CEP350: variants seen among roughly 807,000 people sequenced by gnomAD.
CEP350 encodes centrosome-associated protein 350.
Under a neutral mutation model 331.8 loss-of-function variants are expected in CEP350, and 126 were observed. The observed-to-expected ratio is 0.38, with a 90% CI of 0.33 to 0.44. The LOEUF is 0.44. Among genes scored for constraint, CEP350 ranks in the 20% least tolerant of loss-of-function variants. The probability of loss-of-function intolerance (pLI) is 1.00; values close to 1 mark genes in which losing one functional copy is unlikely to be tolerated. For missense variants in CEP350, 3,406 were observed against 3,634.6 expected, an observed-to-expected ratio of 0.94 and a Z score of 1.62; for synonymous variants, 1,200 against 1,259.5, an observed-to-expected ratio of 0.95 and a Z score of 1.00.
chr1:180,084,307 C>A, intron 31 of CEP350, 129 bp downstream of exon 31: 1 of 840,938 alleles, frequency 1.2e-6, no homozygotes, highest in Non-Finnish European at 1.7e-6. Flanking sequence ...ACATTTTATT[C>A]TCTTAAAAAA....
intron 17 of CEP350, among the ~76,000 whole-genome samples, chr1:180,038,819 T>G (rs1324410488): frequency 6.6e-6 from 1 of 152,230 alleles, no homozygotes; most frequent in Non-Finnish European, 1.5e-5. Flanking sequence ...TTGGCTTATC[T>G]TTTCACTTTT....
At chr1:179,973,858 G>A (rs553818683) in intron 1 of CEP350, among the ~76,000 whole-genome samples, 30 of 150,712 alleles carry the variant, frequency 2.0e-4, no homozygotes, top group South Asian at 1.9e-3. Context: ...ATTTACTGCC[G>A]TAGTGATAAA....
At chr1:180,010,958 T>C (rs60895715) in intron 8 of CEP350, among the ~76,000 whole-genome samples, 4,561 of 152,186 alleles carry the variant, frequency 0.03, 121 homozygotes, top group South Asian at 0.071. Flanking sequence ...TCTATGTTTA[T>C]TTTTTGTAGT....
chr1:180,082,216 T>C (rs932035134), intron 30 of CEP350, among the ~76,000 whole-genome samples: 4 of 152,258 alleles, frequency 2.6e-5, no homozygotes, highest in Non-Finnish European at 5.9e-5. Flanking sequence ...GTGACACTTA[T>C]TTAAGTAAGA....
At position 179,991,707 on chromosome 1, in the gene CEP350, G is replaced by GTGTGTATATA. The variant is rs1385981536; in HGVS notation, c.236-354_236-353insGTGTATATAT. Among the ~76,000 whole-genome samples the GTGTGTATATA allele has an allele frequency of 9.0e-3, 871 of 96,872 alleles. 8 individuals carry two copies. Among genetic ancestry groups the GTGTGTATATA allele is most frequent in the Middle Eastern group, 0.029 (3 of 104 alleles). The allele number at this position is 96,872 out of a possible 152,430, so 63.6% of individuals were successfully genotyped here. On this transcript the variant is annotated intron_variant, in intron 4 of 37. Transcript: ENST00000367607. Reference sequence around the variant, plus strand: ...TGTGTGTGTGTGTGTGTGTGTGTGTGTATATATATATATATATACATTTTT... The same window carrying GTGTGTATATA: ...TGTGTGTGTGTGTGTGTGTGTGTGTGTGTGTATATATATATATATATATATATACATTTTT...
At chr1:180,007,426 A>G (rs1654333923) in intron 8 of CEP350, among the ~76,000 whole-genome samples, 1 of 152,114 alleles carries the variant, frequency 6.6e-6, no homozygotes, top group African/African-American at 2.4e-5. Flanking sequence ...GTGTCTGTTC[A>G]TATACTTTGC....
intron 14 of CEP350, among the ~76,000 whole-genome samples, chr1:180,027,543 C>A (rs1451636705): frequency 6.6e-6 from 1 of 152,032 alleles, no homozygotes; most frequent in African/African-American, 2.4e-5. Context: ...CAACACCCCA[C>A]CTGGCTAATT....
chr1:180,019,919 T>C, intron 11 of CEP350, 30 bp from the exon 12 acceptor site: 1 of 1,527,288 alleles, frequency 6.5e-7, no homozygotes, highest in Non-Finnish European at 8.8e-7. Flanking sequence ...GTGGTTTAGT[T>C]AACTAACATA....
At position 180,093,003 on chromosome 1, in the gene CEP350, A is replaced by C; in HGVS notation, c.6898A>C (p.Lys2300Gln). ...GGGAGATTCATCTGAAATTCTTTCA[A>C]AGAAAGATCTTCCTTTAGATTCTGA... ...EQGDSSEILS[K>Q]KDLPLDSENV... Residue 2300 changes from lysine to glutamine, a missense_variant, in exon 34 of 38, where the codon AAG (lysine) becomes CAG (glutamine). Lys to Gln is a moderately conservative substitution (Grantham distance 53). Coordinates refer to ENST00000367607, the MANE Select transcript of CEP350 (RefSeq NM_014810.5). 1 of 1,604,416 alleles carries C rather than the reference A, an allele frequency of 6.2e-7. No individual in the cohort carries two copies.
At chr1:179,999,401 G>C (rs1292923969) in intron 6 of CEP350, among the ~76,000 whole-genome samples, 1 of 151,594 alleles carries the variant, frequency 6.6e-6, no homozygotes, top group East Asian at 1.9e-4. Context: ...ACTTTTGGAG[G>C]GGTTACTTTG....
chr1:180,009,058 G>A (rs1388516158), intron 8 of CEP350, among the ~76,000 whole-genome samples: 1 of 152,160 alleles, frequency 6.6e-6, no homozygotes, highest in African/African-American at 2.4e-5. Flanking sequence ...CTCTGTCACT[G>A]GTGTACACTG....
At chr1:180,025,111 A>T (rs1447192621) in intron 14 of CEP350, among the ~76,000 whole-genome samples, 1 of 152,086 alleles carries the variant, frequency 6.6e-6, no homozygotes, top group Non-Finnish European at 1.5e-5. Flanking sequence ...TTTTTAGTAG[A>T]GACGGGGTTT....
chr1:180,075,538 C>G (rs1659165838), intron 28 of CEP350, among the ~76,000 whole-genome samples: 1 of 151,984 alleles, frequency 6.6e-6, no homozygotes, highest in South Asian at 2.1e-4. Context: ...CCACTGTGCT[C>G]CAGCCTGGGT....
At chr1:179,966,228 A>G (rs1651002778) in intron 1 of CEP350, among the ~76,000 whole-genome samples, 1 of 152,208 alleles carries the variant, frequency 6.6e-6, no homozygotes, top group Admixed American at 6.5e-5. Flanking sequence ...GTCTTTTTAT[A>G]AAAAGCAATA....
chr1:180,003,362 A>G lies in CEP350; in HGVS notation c.1132+75A>G, dbSNP rs1653999182. 25 of 969,682 alleles carry G rather than the reference A, an allele frequency of 2.6e-5. No homozygotes were observed. The South Asian group carries it at 4.2e-4, about 16-fold the overall frequency. 60.1% of individuals were successfully genotyped at this position (969,682 alleles called of 1,614,324 possible). On this transcript the variant is annotated intron_variant, in intron 7 of 37. Coordinates refer to ENST00000367607, the MANE Select transcript of CEP350 (RefSeq NM_014810.5). ...CTAATTTATAATATTTACACATAAA[A>G]TTGTCACCAAACTAACAATATTTTC...
chr1:180,107,387 A>T (rs576647796), intron 37 of CEP350, among the ~76,000 whole-genome samples: 1 of 152,108 alleles, frequency 6.6e-6, no homozygotes, highest in Non-Finnish European at 1.5e-5. Flanking sequence ...AAAAAGTGTA[A>T]ATTAGCCAGG....
At chr1:180,043,315 G>T in intron 20 of CEP350, 123 bp downstream of exon 20, 1 of 1,153,168 alleles carries the variant, frequency 8.7e-7, no homozygotes, top group East Asian at 2.7e-5. Flanking sequence ...ACAGTTATGG[G>T]CATAGTCTAG....
At chr1:180,012,776 C>G (rs1000375675) in intron 9 of CEP350, among the ~76,000 whole-genome samples, 1 of 152,156 alleles carries the variant, frequency 6.6e-6, no homozygotes, top group African/African-American at 2.4e-5. Context: ...TGTACATATA[C>G]AATACTTTGT....
In CEP350 at chr1:180,113,005, G is replaced by A. The variant is rs1011490465; in HGVS notation, c.*1844G>A. 1.3e-5 allele frequency: 2 copies of A among 152,594 alleles called. No homozygotes were observed. The highest frequency in any genetic ancestry group is 2.9e-5 in the Non-Finnish European group (2 of 68,020). 9.5% of individuals were successfully genotyped at this position (152,594 alleles called of 1,614,324 possible). On this transcript the variant is annotated 3_prime_UTR_variant, in exon 38 of 38. Coordinates refer to ENST00000367607, the MANE Select transcript of CEP350 (RefSeq NM_014810.5). ...TTGATGTCTTACCAGCATTTCTTCT[G>A]GGCTTGTGATGTTGAGCTGTAGTCT...
Sources: gnomAD v4.1 joint callset for allele counts (sites outside exome capture counted in the v4.1 genomes callset) on GRCh38, gnomAD v4.1.1 for gene constraint, MANE v1.5 for transcripts, NCBI Gene and HGNC (gene_info 2026-07-23, HGNC 2026-07-21) for gene names.